Variants in PAK5 observed in about 807,000 individuals in gnomAD.
The protein encoded by PAK5 is serine/threonine-protein kinase PAK 5.
PAK5 carries 16 observed loss-of-function variants against 65.9 expected under a neutral mutation model. The observed-to-expected ratio is 0.24, with a 90% CI of 0.16 to 0.37. PAK5 has a LOEUF of 0.37. Ranked by LOEUF, PAK5 falls within the 10% of genes least tolerant of loss-of-function variation. The probability of loss-of-function intolerance (pLI) is 1.00; values close to 1 mark genes in which losing one functional copy is unlikely to be tolerated. For synonymous variants in PAK5, 371 were observed against 354.9 expected, an observed-to-expected ratio of 1.05 and a Z score of -0.51; for missense variants, 785 against 903.9, an observed-to-expected ratio of 0.87 and a Z score of 1.69.
Position 9,644,267 on chromosome 20 carries a change from A to G in PAK5, c.62T>C (p.Val21Ala). The change falls in exon 3 of 10, where the codon GTT (valine) becomes GCT (alanine). Residue 21 changes from valine (V) to alanine (A), a missense_variant. Transcript: ENST00000353224. Reference protein sequence around the residue: ...ISGPSNFEHRVHTGFDPQEQK... With the variant: ...ISGPSNFEHRAHTGFDPQEQK... The stretch of plus-strand genomic sequence containing the variant: ...CTCTTGTGGATCAAACCCAGTATGA[A>G]CCCTGTGTTCAAAGTTGGACGGGCC... 6.2e-7 allele frequency: 1 copy of G among 1,607,192 alleles called. No homozygotes were observed. The highest frequency in any genetic ancestry group is 8.5e-7 in the Non-Finnish European group (1 of 1,177,892).
chr20:9,588,428 C>T (rs949538359), intron 3 of PAK5, among the ~76,000 whole-genome samples: 11 of 151,662 alleles, frequency 7.3e-5, no homozygotes, highest in African/African-American at 2.7e-4. Flanking sequence ...AAACTATTAG[C>T]TCAGTGTTAA....
chr20:9,632,846 T>C (rs952030149), intron 3 of PAK5, among the ~76,000 whole-genome samples: 6 of 152,210 alleles, frequency 3.9e-5, no homozygotes, highest in African/African-American at 1.2e-4. Context: ...ACATACTTAT[T>C]ACCAGGAGGC....
chr20:9,817,429 T>C lies in PAK5; in HGVS notation c.-162+21333A>G, dbSNP rs537699492. 6.6e-5 allele frequency among the ~76,000 whole-genome samples: 10 copies of C among 152,288 alleles called. No homozygotes were observed. In the East Asian group the frequency reaches 1.9e-3, roughly 29 times the overall value. On this transcript the variant is annotated intron_variant, in intron 1 of 9. Coordinates refer to ENST00000353224, the MANE Select transcript of PAK5 (RefSeq NM_177990.4). ...TTTCTTCCTTCAACACACACAATAG[T>C]GATCTCTTAATATGTGCCAGGCCCT...
chr20:9,580,760 G>A lies in PAK5; in HGVS notation c.375C>T (p.Phe125=), dbSNP rs1437427398. The change falls in exon 4 of 10, where the codon TTC becomes TTT. Residue 125 remains phenylalanine (F), a synonymous_variant. Transcript: ENST00000353224. The part of the protein sequence containing the change: ...HGPGHAEENG[F]ITFSQYSSES... ...CGCTGGAATACTGGGAGAAGGTGAT[G>A]AAGCCATTTTCTTCCGCGTGGCCTG... is the stretch of plus-strand genomic sequence containing the variant. The A allele has an allele frequency of 6.2e-7, 1 of 1,614,044 alleles. No homozygotes were observed. Among genetic ancestry groups the A allele is most frequent in the East Asian group, 2.2e-5 (1 of 44,860 alleles).
intron 1 of PAK5, among the ~76,000 whole-genome samples, chr20:9,810,349 G>A (rs1026892533): frequency 3.9e-5 from 6 of 152,184 alleles, no homozygotes; most frequent in Admixed American, 3.9e-4. Context: ...GAGGTGGGAG[G>A]ATTGCTTGAG....
chr20:9,706,055 G>A (rs1450575277), intron 2 of PAK5, among the ~76,000 whole-genome samples: 1 of 152,164 alleles, frequency 6.6e-6, no homozygotes, highest in Non-Finnish European at 1.5e-5. Context: ...CTCAGTCTCA[G>A]AGTGGAGAAA....
At chr20:9,716,143 T>TA (rs1177960285) in intron 1 of PAK5, among the ~76,000 whole-genome samples, 343 of 25,980 alleles carry the variant, frequency 0.013, no homozygotes, top group Middle Eastern at 0.042. Context: ...TAGAGTATAA[T>TA]AAAAAAAAAA....
chr20:9,590,539 G>C (rs1314393196), intron 3 of PAK5, among the ~76,000 whole-genome samples: 1 of 150,968 alleles, frequency 6.6e-6, no homozygotes, highest in Non-Finnish European at 1.5e-5. Context: ...CACAGAAAAA[G>C]TTTGCTGAAC....
chr20:9,579,564 G>A (rs1355921276), intron 4 of PAK5, among the ~76,000 whole-genome samples: 1 of 152,088 alleles, frequency 6.6e-6, no homozygotes, highest in Non-Finnish European at 1.5e-5. Flanking sequence ...TGGTCCAGCG[G>A]TCCAGCAACC....
At chr20:9,695,486 C>T (rs192837064) in intron 2 of PAK5, among the ~76,000 whole-genome samples, 13 of 152,090 alleles carry the variant, frequency 8.5e-5, no homozygotes, top group Admixed American at 3.3e-4. Context: ...TATCTGAAAT[C>T]GATCTATGTG....
intron 1 of PAK5, among the ~76,000 whole-genome samples, chr20:9,819,506 T>A (rs1210568960): frequency 6.6e-6 from 1 of 152,226 alleles, no homozygotes; most frequent in Non-Finnish European, 1.5e-5. Flanking sequence ...GAAATCTTTG[T>A]GGAGACTATA....
intron 1 of PAK5, among the ~76,000 whole-genome samples, chr20:9,727,593 A>C (rs1441349372): frequency 6.6e-6 from 1 of 151,974 alleles, no homozygotes; most frequent in African/African-American, 2.4e-5. Flanking sequence ...CATTCCTTCT[A>C]TGTTTATTAA....
chr20:9,824,868 A>G lies in PAK5; in HGVS notation c.-162+13894T>C, dbSNP rs1600414878. ...TCACAGAAGAACATTTTTATCTTCT[A>G]TATTCATTGATATGCCTCCTCATGG... is the stretch of plus-strand genomic sequence containing the variant. On this transcript the variant is annotated intron_variant, in intron 1 of 9. Transcript: ENST00000353224. Among the ~76,000 whole-genome samples, 3 of 152,132 alleles carry G rather than the reference A, an allele frequency of 2.0e-5. No homozygotes were observed. The South Asian group carries it at 6.2e-4, about 32-fold the overall frequency.
intron 1 of PAK5, among the ~76,000 whole-genome samples, chr20:9,789,127 A>G (rs1345325969): frequency 6.6e-6 from 1 of 152,210 alleles, no homozygotes; most frequent in Non-Finnish European, 1.5e-5. Context: ...AGAAGTTTGT[A>G]CTGGCTGCCA....
intron 1 of PAK5, among the ~76,000 whole-genome samples, chr20:9,802,700 C>A (rs1231031910): frequency 6.6e-6 from 1 of 151,360 alleles, no homozygotes; most frequent in African/African-American, 2.4e-5. Flanking sequence ...TAGAGAAAAA[C>A]TGGGCATTGG....
chr20:9,614,787 G>A (rs1380091144), intron 3 of PAK5, among the ~76,000 whole-genome samples: 1 of 152,162 alleles, frequency 6.6e-6, no homozygotes, highest in Non-Finnish European at 1.5e-5. Flanking sequence ...AAAATTCAGG[G>A]AATTTGATGC....
At chr20:9,658,172 T>G (rs2047294942) in intron 2 of PAK5, among the ~76,000 whole-genome samples, 1 of 152,244 alleles carries the variant, frequency 6.6e-6, no homozygotes, top group South Asian at 2.1e-4. Context: ...TCAGTTAGCT[T>G]TGGCTGCATA....
At chr20:9,706,166 C>T (rs2048004356) in intron 2 of PAK5, among the ~76,000 whole-genome samples, 1 of 152,188 alleles carries the variant, frequency 6.6e-6, no homozygotes, top group Admixed American at 6.5e-5. Flanking sequence ...GCAGTCTTCA[C>T]AGAGACTTGG....
intron 2 of PAK5, among the ~76,000 whole-genome samples, chr20:9,688,302 C>T (rs912929010): frequency 2.0e-5 from 3 of 152,054 alleles, no homozygotes; most frequent in Non-Finnish European, 4.4e-5. Flanking sequence ...CACCCCTCTG[C>T]CTGCCTCCCC....
Sources: allele counts gnomAD v4.1 joint callset (sites outside exome capture counted in the v4.1 genomes callset), GRCh38; gene constraint gnomAD v4.1.1; transcripts MANE v1.5; gene names NCBI Gene and HGNC (gene_info 2026-07-23, HGNC 2026-07-21).